Variants in STAG1 observed in about 807,000 individuals in gnomAD.
The protein encoded by STAG1 is cohesin subunit SA-1.
STAG1 carries 26 observed loss-of-function variants against 170.9 expected under a neutral mutation model. That is an observed-to-expected ratio of 0.15 (90% CI 0.11 to 0.21). The LOEUF is 0.21. STAG1 is among the 10% of genes least tolerant of loss of function. The pLI is 1.00. For synonymous variants in STAG1, 514 were observed against 497.7 expected, an observed-to-expected ratio of 1.03 and a Z score of -0.44; for missense variants, 964 against 1,509.5, an observed-to-expected ratio of 0.64 and a Z score of 5.99.
intron 4 of STAG1, among the ~76,000 whole-genome samples, chr3:136,594,636 ATT>A (rs1938335146): frequency 6.6e-6 from 1 of 152,234 alleles, no homozygotes; most frequent in African/African-American, 2.4e-5. Flanking sequence ...TTAATAGATC[ATT>A]TGATTGGTAT....
chr3:136,561,947 C>T (rs1486670204), intron 5 of STAG1, among the ~76,000 whole-genome samples: 1 of 151,912 alleles, frequency 6.6e-6, no homozygotes, highest in Non-Finnish European at 1.5e-5. Context: ...CCGTTTTATC[C>T]TTCTTTCACT....
chr3:136,544,319 T>C (rs1440336065), intron 5 of STAG1, among the ~76,000 whole-genome samples: 1 of 152,170 alleles, frequency 6.6e-6, no homozygotes, highest in Non-Finnish European at 1.5e-5. Flanking sequence ...CTCTATTCTA[T>C]GATGTCAGCC....
rs146363226 is a variant in STAG1 at position 136,737,544 on chromosome 3, C to T, written c.-84+14651G>A. ...TGGGCCATCATGCCAGGCCTTGCCTCTGCATTTTATGTTCACTTTTTCAAC... is the reference window on the plus strand; with the variant it reads ...TGGGCCATCATGCCAGGCCTTGCCTTTGCATTTTATGTTCACTTTTTCAAC... On this transcript the variant is annotated intron_variant, in intron 1 of 33. Transcript: ENST00000383202. Among the ~76,000 whole-genome samples the T allele has an allele frequency of 3.4e-3, 511 of 152,310 alleles. 8 individuals carry two copies. In the East Asian group the frequency reaches 0.048, roughly 14 times the overall value.
intron 1 of STAG1, among the ~76,000 whole-genome samples, chr3:136,672,704 AAC>A (rs970701891): frequency 6.6e-6 from 1 of 152,130 alleles, no homozygotes; most frequent in African/African-American, 2.4e-5. Context: ...TCCACCCCGC[AAC>A]ACACACACAG....
intron 4 of STAG1, among the ~76,000 whole-genome samples, chr3:136,580,263 G>A (rs896084996): frequency 9.2e-5 from 14 of 151,422 alleles, no homozygotes; most frequent in South Asian, 6.2e-4. Flanking sequence ...CACCGCGCCC[G>A]GCTCATTTGA....
intron 1 of STAG1, among the ~76,000 whole-genome samples, chr3:136,714,570 T>C (rs1425655449): frequency 6.6e-6 from 1 of 151,286 alleles, no homozygotes; most frequent in East Asian, 2.0e-4. Flanking sequence ...CTACTAAAAA[T>C]ACAAAAAATT....
intron 6 of STAG1, among the ~76,000 whole-genome samples, chr3:136,535,823 A>G (rs959930566): frequency 5.9e-5 from 9 of 152,186 alleles, no homozygotes; most frequent in African/African-American, 1.2e-4. Flanking sequence ...CATGTACCCC[A>G]TAAAAATGTG....
chr3:136,551,152 A>T (rs1936362309), intron 5 of STAG1, among the ~76,000 whole-genome samples: 1 of 145,434 alleles, frequency 6.9e-6, no homozygotes, highest in African/African-American at 2.6e-5. Flanking sequence ...ATCTACATAA[A>T]TTTTTTTAAC....
chr3:136,404,102 C>T (rs1364351132), intron 21 of STAG1, among the ~76,000 whole-genome samples: 1 of 152,172 alleles, frequency 6.6e-6, no homozygotes, highest in African/African-American at 2.4e-5. Context: ...GTCCAGAAAT[C>T]ATTGTTCAGT....
intron 1 of STAG1, among the ~76,000 whole-genome samples, chr3:136,704,330 C>T (rs559909295): frequency 9.9e-5 from 15 of 151,856 alleles, no homozygotes; most frequent in African/African-American, 3.6e-4. Context: ...GGATTACAGG[C>T]GTGAGCCAAC....
At chr3:136,546,540 T>A (rs1316518574) in intron 5 of STAG1, among the ~76,000 whole-genome samples, 1 of 152,036 alleles carries the variant, frequency 6.6e-6, no homozygotes, top group Non-Finnish European at 1.5e-5. Context: ...AAAAAGTAAT[T>A]CTAGAGAAGA....
At chr3:136,639,711 G>A (rs1940719569) in intron 1 of STAG1, among the ~76,000 whole-genome samples, 1 of 152,118 alleles carries the variant, frequency 6.6e-6, no homozygotes, top group African/African-American at 2.4e-5. Flanking sequence ...ATAGCCCCAT[G>A]ATTTTCATAC....
At chr3:136,501,525 G>C (rs1039764984) in intron 8 of STAG1, among the ~76,000 whole-genome samples, 2 of 152,180 alleles carry the variant, frequency 1.3e-5, no homozygotes, top group Non-Finnish European at 2.9e-5. Context: ...GCTGCCACCA[G>C]CCAAGCAACT....
Position 136,630,816 on chromosome 3 carries a change from G to A in STAG1, c.29+54C>T. On this transcript the variant is annotated intron_variant, in intron 2 of 33. Transcript: ENST00000383202. ...AGAGAGCATTTTGATAAAGAAATAA[G>A]TTGTCCAAAATTTTCCTTAAAAAAT... is the stretch of plus-strand genomic sequence containing the variant. 3.2e-6 allele frequency: 4 copies of A among 1,265,262 alleles called. No individual in the cohort carries two copies. The South Asian group carries it at 5.4e-5, about 17-fold the overall frequency. The allele number at this position is 1,265,262 out of a possible 1,614,324, so 78.4% of individuals were successfully genotyped here. A position where few individuals can be genotyped will look rare whatever the true frequency, so the allele number is the denominator to read the frequency against.
intron 28 of STAG1, among the ~76,000 whole-genome samples, chr3:136,351,521 A>C (rs981913646): frequency 4.9e-4 from 75 of 152,308 alleles, no homozygotes; most frequent in Non-Finnish European, 3.2e-4. Flanking sequence ...GGAATGAGGC[A>C]GACTTGAAAG....
intron 1 of STAG1, among the ~76,000 whole-genome samples, chr3:136,715,798 T>C (rs1488076234): frequency 6.6e-6 from 1 of 150,644 alleles, no homozygotes; most frequent in African/African-American, 2.4e-5. Flanking sequence ...ATAAAACATA[T>C]ATATAAACTG....
intron 1 of STAG1, among the ~76,000 whole-genome samples, chr3:136,686,683 G>A (rs1217379514): frequency 1.3e-5 from 2 of 152,134 alleles, no homozygotes; most frequent in Non-Finnish European, 2.9e-5. Context: ...CAACTGAACA[G>A]ATCAAAAAGT....
At chr3:136,390,771 A>G (rs1263152830) in intron 22 of STAG1, among the ~76,000 whole-genome samples, 1 of 152,206 alleles carries the variant, frequency 6.6e-6, no homozygotes, top group Non-Finnish European at 1.5e-5. Flanking sequence ...TATTACAGGA[A>G]TTCCGGGCCA....
chr3:136,535,736 GATAA>G (rs1935588056), intron 6 of STAG1, among the ~76,000 whole-genome samples: 1 of 152,008 alleles, frequency 6.6e-6, no homozygotes, highest in African/African-American at 2.4e-5. Flanking sequence ...ACACAGAAAT[GATAA>G]ATACTCAAGG....
Sources: gnomAD v4.1 joint callset for allele counts (sites outside exome capture counted in the v4.1 genomes callset) on GRCh38, gnomAD v4.1.1 for gene constraint, MANE v1.5 for transcripts, NCBI Gene and HGNC (gene_info 2026-07-23, HGNC 2026-07-21) for gene names.